Variants in NBEA observed in about 807,000 individuals in gnomAD.
NBEA encodes neurobeachin.
In NBEA, 44 loss-of-function variants were observed where a neutral mutation model predicts 343.4. The observed-to-expected ratio is 0.13, with a 90% CI of 0.10 to 0.16. The LOEUF (loss-of-function observed/expected upper bound fraction) is 0.16, where lower values mean the gene tolerates loss of function less well. NBEA is among the 10% of genes least tolerant of loss of function. The probability of loss-of-function intolerance (pLI) is 1.00; values close to 1 mark genes in which losing one functional copy is unlikely to be tolerated. For synonymous variants in NBEA, 1,175 were observed against 1,238.7 expected, an observed-to-expected ratio of 0.95 and a Z score of 1.08; for missense variants, 2,555 against 3,631.3, an observed-to-expected ratio of 0.70 and a Z score of 7.62.
intron 38 of NBEA, among the ~76,000 whole-genome samples, chr13:35,406,097 C>G (rs567686052): frequency 1.7e-3 from 261 of 152,192 alleles, no homozygotes; most frequent in African/African-American, 5.9e-3. Context: ...TGCAATTCCA[C>G]ATTTGTGGTA....
intron 36 of NBEA, among the ~76,000 whole-genome samples, chr13:35,321,270 G>A (rs1450965528): frequency 2.0e-5 from 3 of 152,122 alleles, no homozygotes; most frequent in Admixed American, 6.5e-5. Context: ...TTCAGTTGAG[G>A]TTTTTGAGTG....
At chr13:35,321,919 G>A (rs559903649) in intron 36 of NBEA, among the ~76,000 whole-genome samples, 53 of 152,286 alleles carry the variant, frequency 3.5e-4, no homozygotes, top group Non-Finnish European at 6.3e-4. Flanking sequence ...ACCTACTCAA[G>A]CCTCAGTAAT....
chr13:35,388,525 T>C (rs1385577450), intron 38 of NBEA, among the ~76,000 whole-genome samples: 1 of 152,218 alleles, frequency 6.6e-6, no homozygotes, highest in Non-Finnish European at 1.5e-5. Flanking sequence ...GCCTGTGTTA[T>C]ATTTTGCTGA....
At chr13:35,011,264 G>A (rs375130968) in intron 1 of NBEA, among the ~76,000 whole-genome samples, 1 of 152,090 alleles carries the variant, frequency 6.6e-6, no homozygotes, top group Admixed American at 6.6e-5. Context: ...TTTAAGCAGG[G>A]AAGAGAAGCA....
intron 41 of NBEA, among the ~76,000 whole-genome samples, chr13:35,544,472 T>C (rs1320349745): frequency 6.6e-6 from 1 of 152,218 alleles, no homozygotes; most frequent in East Asian, 1.9e-4. Context: ...TCTGACAACA[T>C]ATACATGTCC....
intron 31 of NBEA, among the ~76,000 whole-genome samples, chr13:35,204,464 A>T (rs963852369): frequency 6.6e-6 from 1 of 152,096 alleles, no homozygotes; most frequent in Non-Finnish European, 1.5e-5. Flanking sequence ...ATCAGATCTC[A>T]TGAGACTTAT....
intron 2 of NBEA, among the ~76,000 whole-genome samples, chr13:35,044,110 C>T (rs1046197029): frequency 7.2e-5 from 11 of 152,078 alleles, no homozygotes; most frequent in African/African-American, 2.7e-4. Context: ...ATTAGGTGTG[C>T]TGGTGTGTCT....
chr13:35,220,734 A>T (rs2074315566), intron 33 of NBEA, among the ~76,000 whole-genome samples: 1 of 152,106 alleles, frequency 6.6e-6, no homozygotes, highest in Admixed American at 6.6e-5. Context: ...AGATTTGTAG[A>T]GTTTTTCAAA....
intron 41 of NBEA, among the ~76,000 whole-genome samples, chr13:35,473,538 C>A (rs913294625): frequency 2.6e-5 from 4 of 152,198 alleles, no homozygotes; most frequent in Admixed American, 2.6e-4. Context: ...CATAGGTGAT[C>A]AGCCTTTTCA....
chr13:35,499,662 C>G (rs1430148089), intron 41 of NBEA, among the ~76,000 whole-genome samples: 3 of 152,096 alleles, frequency 2.0e-5, no homozygotes, highest in African/African-American at 7.2e-5. Flanking sequence ...TGTTTTACAC[C>G]TGTCTGCGTA....
At chr13:35,048,988 T>C (rs2062964846) in intron 5 of NBEA, among the ~76,000 whole-genome samples, 1 of 151,864 alleles carries the variant, frequency 6.6e-6, no homozygotes, top group African/African-American at 2.4e-5. Flanking sequence ...TTAGTGAGGA[T>C]TGCTGGTCCC....
At chr13:35,451,824 C>T (rs760015855) in intron 39 of NBEA, among the ~76,000 whole-genome samples, 6 of 152,178 alleles carry the variant, frequency 3.9e-5, no homozygotes, top group Non-Finnish European at 8.8e-5. Flanking sequence ...TTCTCTACCA[C>T]TAGCAACTGC....
chr13:35,658,845 T>C (rs1294121461), intron 55 of NBEA, among the ~76,000 whole-genome samples: 2 of 152,166 alleles, frequency 1.3e-5, no homozygotes, highest in Non-Finnish European at 2.9e-5. Flanking sequence ...TAGTAGCATA[T>C]ATATGCCTGA....
At chr13:35,351,235 T>C (rs1184752565) in intron 37 of NBEA, among the ~76,000 whole-genome samples, 1 of 151,994 alleles carries the variant, frequency 6.6e-6, no homozygotes, top group Non-Finnish European at 1.5e-5. Flanking sequence ...TTCTATTTAT[T>C]TTATCAGATG....
intron 34 of NBEA, among the ~76,000 whole-genome samples, chr13:35,257,735 A>G (rs1460787537): frequency 1.3e-5 from 2 of 152,226 alleles, no homozygotes; most frequent in Non-Finnish European, 2.9e-5. Flanking sequence ...AAAATGTGAC[A>G]GACTCCACCT....
chr13:35,298,171 C>A (rs1594118140), intron 35 of NBEA, among the ~76,000 whole-genome samples: 2 of 128,546 alleles, frequency 1.6e-5, no homozygotes, highest in African/African-American at 3.0e-5. Context: ...GATACATAGC[C>A]AGTGTGTGTG....
At chr13:35,223,054 C>A (rs2074458530) in intron 33 of NBEA, among the ~76,000 whole-genome samples, 1 of 152,154 alleles carries the variant, frequency 6.6e-6, no homozygotes, top group South Asian at 2.1e-4. Flanking sequence ...TCACTTAGAA[C>A]CCGGGAGGCA....
intron 18 of NBEA, among the ~76,000 whole-genome samples, chr13:35,152,877 G>C (rs1372205997): frequency 6.6e-6 from 1 of 151,926 alleles, no homozygotes; most frequent in East Asian, 1.9e-4. Flanking sequence ...TTGTTTTAGT[G>C]GGGGTTTGGG....
chr13:35,523,255 A>C (rs1334373939), intron 41 of NBEA, among the ~76,000 whole-genome samples: 1 of 152,182 alleles, frequency 6.6e-6, no homozygotes, highest in Admixed American at 6.5e-5. Context: ...ATATATAAGA[A>C]ATGAAAGTCT....
Sources: gnomAD v4.1 joint callset for allele counts (sites outside exome capture counted in the v4.1 genomes callset) on GRCh38, gnomAD v4.1.1 for gene constraint, MANE v1.5 for transcripts, NCBI Gene and HGNC (gene_info 2026-07-23, HGNC 2026-07-21) for gene names.